SP140: variants seen among roughly 807,000 people sequenced by gnomAD.
SP140 encodes nuclear body protein SP140.
Under a neutral mutation model 125.0 loss-of-function variants are expected in SP140, and 81 were observed. The observed-to-expected ratio is 0.65, with a 90% CI of 0.54 to 0.78. The LOEUF (loss-of-function observed/expected upper bound fraction) is 0.78. SP140 is among the 30% of genes least tolerant of loss of function. SP140 has a pLI of 0.00. For missense variants in SP140, 858 were observed against 1,037.0 expected (o/e 0.83, Z 2.37); for synonymous variants, 312 against 354.0 (o/e 0.88, Z 1.33).
At chr2:230,248,592 G>A (rs1409207605) in intron 8 of SP140, among the ~76,000 whole-genome samples, 1 of 152,118 alleles carries the variant, frequency 6.6e-6, no homozygotes, top group African/African-American at 2.4e-5. Flanking sequence ...AAGGGATATG[G>A]TATCACTGAA....
chr2:230,219,714 C>A (rs561988747), intron 3 of SP140: 1 of 158,346 alleles, frequency 6.3e-6, no homozygotes, highest in African/African-American at 2.4e-5. Flanking sequence ...TCCATGTGCC[C>A]CCTTTTAACA....
rs2049024677 is a variant in SP140, at chr2:230,243,735, C to T, written c.495C>T (p.Asn165=). The change falls in exon 5 of 27, where the codon AAC becomes AAT. Residue 165 remains asparagine, a synonymous_variant. Transcript: ENST00000392045. ...PRLLPYGKQE[N]SNACHEMDDI... ...GGATTTCATTCCTTTCGGCAGAGAACAGCAATGCCTGTCATGAAATGGATG... is the reference window on the plus strand; with the variant it reads ...GGATTTCATTCCTTTCGGCAGAGAATAGCAATGCCTGTCATGAAATGGATG... The T allele has an allele frequency of 6.2e-7, 1 of 1,611,306 alleles. No individual in the cohort carries two copies. The highest frequency in any genetic ancestry group is 8.5e-7 in the Non-Finnish European group (1 of 1,177,982).
At chr2:230,253,984 T>C (rs2050768942) in intron 11 of SP140, among the ~76,000 whole-genome samples, 1 of 151,978 alleles carries the variant, frequency 6.6e-6, no homozygotes, top group Admixed American at 6.6e-5. Flanking sequence ...CGTGGACATT[T>C]TACAGGCATC....
chr2:230,291,769 G>T (rs35008063), intron 19 of SP140, among the ~76,000 whole-genome samples: 18,649 of 152,178 alleles, frequency 0.12, 1,394 homozygotes, highest in Middle Eastern at 0.23. Flanking sequence ...TGGGTATATA[G>T]TCAAGAGAGG....
intron 9 of SP140, among the ~76,000 whole-genome samples, chr2:230,250,333 TTC>T (rs1248201145): frequency 6.6e-6 from 1 of 152,206 alleles, no homozygotes; most frequent in Non-Finnish European, 1.5e-5. Context: ...GCTTCCACCC[TTC>T]ATGGGTCCCC....
intron 3 of SP140, among the ~76,000 whole-genome samples, chr2:230,215,651 G>A (rs145071855): frequency 4.6e-5 from 7 of 152,270 alleles, no homozygotes; most frequent in East Asian, 1.9e-4. Context: ...GGAGAAATAC[G>A]GCAAGAGAGA....
chr2:230,243,848 G>A (rs1212519603), intron 5 of SP140, 37 bp downstream of exon 5: 1 of 1,386,320 alleles, frequency 7.2e-7, no homozygotes, highest in East Asian at 2.3e-5. Flanking sequence ...TGACCTGCAG[G>A]GTGTCAGGAG....
the SP140 span, among the ~76,000 whole-genome samples, chr2:230,188,101 G>A: frequency 6.6e-6 from 1 of 152,050 alleles, no homozygotes; most frequent in Non-Finnish European, 1.5e-5. Context: ...TTTTCATATT[G>A]ATTCTTCCAA....
At chr2:230,283,661 G>A (rs753981519) in intron 15 of SP140, among the ~76,000 whole-genome samples, 9 of 152,276 alleles carry the variant, frequency 5.9e-5, no homozygotes, top group South Asian at 2.1e-4. Context: ...CATAGTGTGC[G>A]GACAGGAGGA....
At chr2:230,265,004 G>A (rs1000069645) in intron 12 of SP140, among the ~76,000 whole-genome samples, 61 of 152,320 alleles carry the variant, frequency 4.0e-4, no homozygotes, top group Non-Finnish European at 2.6e-4. Flanking sequence ...GGGAGGAACC[G>A]GTGATGGGCC....
At position 230,247,959 on chromosome 2, in the gene SP140, C is replaced by G; in HGVS notation, c.786C>G (p.Ser262Arg). 1 of 1,613,854 alleles carries G rather than the reference C, an allele frequency of 6.2e-7. No individual in the cohort carries two copies. Among genetic ancestry groups the G allele is most frequent in the Non-Finnish European group, 8.5e-7 (1 of 1,179,860 alleles). Residue 262 changes from serine (S) to arginine (R), a missense_variant, in exon 8 of 27, where the codon AGC (serine) becomes AGG (arginine). Ser to Arg is a moderately radical substitution (Grantham distance 110). This residue lies in a region of SP140 where 791 missense variants were observed against 869.5 expected (regional missense o/e 0.91). Coordinates refer to ENST00000392045, the MANE Select transcript of SP140 (RefSeq NM_007237.5). ...NGMIDAARTY[S>R]TAPGEKQGEE... ...TGATAGATGCGGCAAGGACATACAG[C>G]ACAGCACCAGGGGAGAAACAGGGAG...
In SP140 at chr2:230,243,779, A is replaced by G; in HGVS notation, c.539A>G (p.Glu180Gly). The change falls in exon 5 of 27, where the codon GAA becomes GGA. Residue 180 changes from glutamate (E) to glycine (G), a missense_variant. By Grantham distance (98) the Glu-to-Gly change is moderately conservative. Coordinates refer to ENST00000392045, the MANE Select transcript of SP140 (RefSeq NM_007237.5). ...HEMDDIAVPQ[E>G]ALSSSPRCEP... The stretch of plus-strand genomic sequence containing the variant: ...ATGGATGATATAGCAGTGCCTCAGG[A>G]AGCCTTGAGCTCCTCGCCAAGGTGT... The G allele has an allele frequency of 6.2e-7, 1 of 1,613,194 alleles. No individual in the cohort carries two copies. The highest frequency in any genetic ancestry group is 1.3e-5 in the African/African-American group (1 of 74,970).
At chr2:230,295,323 A>G (rs796615713) in intron 21 of SP140, among the ~76,000 whole-genome samples, 7 of 152,318 alleles carry the variant, frequency 4.6e-5, no homozygotes, top group African/African-American at 1.4e-4. Context: ...ACATTATCTG[A>G]TATACTGGCT....
intron 12 of SP140, among the ~76,000 whole-genome samples, chr2:230,266,636 T>C (rs1486467604): frequency 6.6e-6 from 1 of 152,236 alleles, no homozygotes; most frequent in African/African-American, 2.4e-5. Context: ...GGCTGAAGGC[T>C]CTGAGAATCT....
chr2:230,200,968 G>A, upstream of SP140: 2 of 1,611,358 alleles, frequency 1.2e-6, no homozygotes, highest in Non-Finnish European at 1.7e-6. Context: ...AATGATCTCT[G>A]GAAAATGAAA....
intron 19 of SP140, among the ~76,000 whole-genome samples, chr2:230,291,554 T>C (rs906444957): frequency 9.9e-5 from 15 of 152,236 alleles, no homozygotes; most frequent in Non-Finnish European, 1.8e-4. Flanking sequence ...CATTCACTAA[T>C]TGTGATATTT....
the SP140 span, among the ~76,000 whole-genome samples, chr2:230,189,473 C>T: frequency 1.3e-5 from 2 of 152,056 alleles, no homozygotes; most frequent in South Asian, 4.1e-4. Context: ...TATTTAATTT[C>T]CATTTATTTG....
upstream of SP140, among the ~76,000 whole-genome samples, chr2:230,202,421 G>A (rs1217863971): frequency 6.6e-6 from 1 of 152,162 alleles, no homozygotes; most frequent in Non-Finnish European, 1.5e-5. Flanking sequence ...TGCAACAGAT[G>A]CTTGCTCTCT....
Position 230,262,667 on chromosome 2 carries a change from A to G in SP140, c.1241-6865A>G, listed in dbSNP as rs192254097. Among the ~76,000 whole-genome samples the G allele has an allele frequency of 7.8e-4, 118 of 152,162 alleles. 1 individual carries two copies. The highest frequency in any genetic ancestry group is 2.6e-3 in the African/African-American group (106 of 41,518). ...TCATTCAGTTTGAAGAATTACTGTC[A>G]TTCAGCTTGAATAATTTTTTAATTT... On this transcript the variant is annotated intron_variant, in intron 12 of 26. Transcript: ENST00000392045.
Sources: gnomAD v4.1 joint callset for allele counts (sites outside exome capture counted in the v4.1 genomes callset) on GRCh38, gnomAD v4.1.1 for gene constraint, gnomAD v4.1.1 regional missense constraint, MANE v1.5 for transcripts, NCBI Gene and HGNC (gene_info 2026-07-23, HGNC 2026-07-21) for gene names.